The following CELF4 variants were observed in gnomAD, a reference collection of about 807,000 sequenced individuals.
CELF4 encodes the protein CUGBP Elav-like family member 4.
A neutral mutation model predicts 59.9 loss-of-function variants in CELF4; 18 were observed. The ratio of observed to expected loss-of-function variants is 0.30; its 90% confidence interval spans 0.21 to 0.45. CELF4 has a LOEUF of 0.45. CELF4 is among the 20% of genes least tolerant of loss of function. The pLI, the probability that CELF4 is intolerant of heterozygous loss-of-function variation, is 1.00. For synonymous variants in CELF4, 261 were observed against 267.1 expected (o/e 0.98, Z 0.22); for missense variants, 456 against 689.0 (o/e 0.66, Z 3.79).
intron 2 of CELF4, among the ~76,000 whole-genome samples, chr18:37,429,705 C>T (rs750409126): frequency 6.6e-6 from 1 of 152,168 alleles, no homozygotes; most frequent in Non-Finnish European, 1.5e-5. Context: ...TTATAACCCA[C>T]TCCATTTAAA....
intron 8 of CELF4, among the ~76,000 whole-genome samples, chr18:37,268,355 C>G (rs1443375531): frequency 6.6e-6 from 1 of 152,196 alleles, no homozygotes; most frequent in Non-Finnish European, 1.5e-5. Flanking sequence ...CTGCCCCTAT[C>G]CTCTGCCAGC....
chr18:37,420,477 G>C (rs1169839781), intron 2 of CELF4, among the ~76,000 whole-genome samples: 1 of 152,296 alleles, frequency 6.6e-6, no homozygotes, highest in South Asian at 2.1e-4. Flanking sequence ...ACTGGGTGGC[G>C]AGAGAGGGAA....
chr18:37,307,485 C>T (rs766007727), intron 3 of CELF4, among the ~76,000 whole-genome samples: 3 of 152,260 alleles, frequency 2.0e-5, no homozygotes, highest in South Asian at 4.1e-4. Flanking sequence ...CCCCGTCCCC[C>T]GCTCCCCCAC....
chr18:37,483,576 C>T (rs2099875169), intron 2 of CELF4, among the ~76,000 whole-genome samples: 1 of 152,170 alleles, frequency 6.6e-6, no homozygotes, highest in African/African-American at 2.4e-5. Flanking sequence ...CTCAACTTGT[C>T]TTTGTGATTT....
intron 2 of CELF4, among the ~76,000 whole-genome samples, chr18:37,453,682 TG>T (rs1429806397): frequency 3.3e-5 from 5 of 152,098 alleles, no homozygotes; most frequent in African/African-American, 1.2e-4. Flanking sequence ...GTGAGGAGGC[TG>T]GCCTGCCTGG....
intron 1 of CELF4, among the ~76,000 whole-genome samples, chr18:37,500,528 TTTCTTTTTC>T (rs1363651119): frequency 1.9e-5 from 2 of 105,544 alleles, no homozygotes; most frequent in South Asian, 4.7e-4. Context: ...TTTCTTTTCT[TTTCTTTTTC>T]TTTTTTTTTT....
Position 37,253,783 on chromosome 18 carries a change from C to A in CELF4, c.*28G>T, listed in dbSNP as rs755821478. The A allele has an allele frequency of 6.3e-7, 1 of 1,580,892 alleles. No individual in the cohort carries two copies. The highest frequency in any genetic ancestry group is 1.1e-5 in the South Asian group (1 of 87,948). The stretch of plus-strand genomic sequence containing the variant: ...CCCGGTTACCTGTGCGAGTCCTGGT[C>A]TCCCCCGGGGGACGCTCCCGCCGGC... On this transcript the variant is annotated 3_prime_UTR_variant, in exon 12 of 13. Coordinates refer to ENST00000420428, the MANE Select transcript of CELF4 (RefSeq NM_020180.4). This position sits in a 1 kb window ranked among gnomAD's most constrained non-coding sequence, Gnocchi z 4.5.
intron 3 of CELF4, among the ~76,000 whole-genome samples, chr18:37,307,561 C>T (rs1276071225): frequency 1.3e-5 from 2 of 152,088 alleles, no homozygotes; most frequent in Non-Finnish European, 2.9e-5. Flanking sequence ...ATGCCAATGT[C>T]AGTGGCATCG....
chr18:37,315,270 C>T (rs2096827541), intron 3 of CELF4, among the ~76,000 whole-genome samples: 1 of 152,060 alleles, frequency 6.6e-6, no homozygotes, highest in Admixed American at 6.5e-5. Context: ...ACAAAGGGAG[C>T]CCACAGGACA....
At chr18:37,537,301 T>C (rs1485265565) in intron 1 of CELF4, among the ~76,000 whole-genome samples, 1 of 152,248 alleles carries the variant, frequency 6.6e-6, no homozygotes, top group South Asian at 2.1e-4. Flanking sequence ...CCTTTGGAGT[T>C]TGGGAAATCG....
At chr18:37,264,801 G>T in intron 9 of CELF4, 44 bp from the exon 10 acceptor site, 1 of 1,471,536 alleles carries the variant, frequency 6.8e-7, no homozygotes, top group Non-Finnish European at 9.3e-7. Flanking sequence ...ACAAGGCAGA[G>T]AGTGGAAGCA....
At chr18:37,533,794 G>C (rs549057977) in intron 1 of CELF4, among the ~76,000 whole-genome samples, 1 of 152,242 alleles carries the variant, frequency 6.6e-6, no homozygotes, top group Non-Finnish European at 1.5e-5. Context: ...CAGAGATGGG[G>C]AGAAATTCGG....
intron 1 of CELF4, among the ~76,000 whole-genome samples, chr18:37,503,941 A>G (rs146568443): frequency 1.5e-3 from 232 of 152,272 alleles, no homozygotes; most frequent in African/African-American, 5.1e-3. Context: ...TGTCCTCTCC[A>G]GTAAGAAGCA....
chr18:37,524,958 T>C (rs1053384580), intron 1 of CELF4, among the ~76,000 whole-genome samples: 4 of 152,202 alleles, frequency 2.6e-5, no homozygotes, highest in Non-Finnish European at 4.4e-5. Flanking sequence ...CCGCTTCCTC[T>C]CCCTGAAGCG....
chr18:37,409,573 C>T (rs1167577935), intron 2 of CELF4, among the ~76,000 whole-genome samples: 1 of 152,150 alleles, frequency 6.6e-6, no homozygotes, highest in Non-Finnish European at 1.5e-5. Flanking sequence ...AGCCTGCACC[C>T]TGTTGTCGAG....
chr18:37,414,212 A>G (rs1158463543), intron 2 of CELF4, among the ~76,000 whole-genome samples: 1 of 112,462 alleles, frequency 8.9e-6, no homozygotes, highest in Non-Finnish European at 2.2e-5. Flanking sequence ...CTATCTATCT[A>G]TCTATCTATC....
intron 1 of CELF4, among the ~76,000 whole-genome samples, chr18:37,527,500 T>C (rs1177871254): frequency 6.6e-6 from 1 of 152,140 alleles, no homozygotes; most frequent in Admixed American, 6.5e-5. Context: ...AATAGTAAAC[T>C]GAACTGATGT....
intron 2 of CELF4, among the ~76,000 whole-genome samples, chr18:37,371,033 C>A (rs1054533321): frequency 6.6e-6 from 1 of 152,166 alleles, no homozygotes. Flanking sequence ...CCCGTGGGCA[C>A]AGCAGCTGTG....
intron 1 of CELF4, among the ~76,000 whole-genome samples, chr18:37,491,747 G>A (rs920728335): frequency 2.6e-5 from 4 of 152,172 alleles, no homozygotes; most frequent in Non-Finnish European, 4.4e-5. Flanking sequence ...TGCACGCAGG[G>A]GTGGCGGATG....
Sources: gnomAD v4.1 joint callset for allele counts (sites outside exome capture counted in the v4.1 genomes callset) on GRCh38, gnomAD v4.1.1 for gene constraint, Gnocchi (gnomAD v3.1) non-coding constraint, MANE v1.5 for transcripts, NCBI Gene and HGNC (gene_info 2026-07-23, HGNC 2026-07-21) for gene names.